KIF18A: variants seen among roughly 807,000 people sequenced by gnomAD.
KIF18A encodes the protein kinesin-like protein KIF18A.
KIF18A carries 67 observed loss-of-function variants against 103.3 expected under a neutral mutation model. The ratio of observed to expected loss-of-function variants is 0.65; its 90% CI spans 0.53 to 0.79. KIF18A has a LOEUF of 0.79. Ranked by LOEUF, KIF18A falls within the 30% of genes least tolerant of loss-of-function variation. The pLI, the probability that KIF18A is intolerant of heterozygous loss-of-function variation, is 0.00. For missense variants in KIF18A, 1,032 were observed against 1,062.5 expected, an observed-to-expected ratio of 0.97 and a Z score of 0.40; for synonymous variants, 367 against 355.5, an observed-to-expected ratio of 1.03 and a Z score of -0.36.
At chr11:28,023,046 A>G (rs2133480352) in intron 16 of KIF18A, among the ~76,000 whole-genome samples, 1 of 152,326 alleles carries the variant, frequency 6.6e-6, no homozygotes, top group East Asian at 1.9e-4. Flanking sequence ...GACATGGTAA[A>G]TGCCTAGTGA....
intron 4 of KIF18A, 126 bp from the exon 5 acceptor site, chr11:28,090,853 T>C: frequency 1.6e-6 from 1 of 607,332 alleles, no homozygotes; most frequent in Non-Finnish European, 2.9e-6. Context: ...TTCAATCCTA[T>C]TAAATACTAA....
intron 15 of KIF18A, among the ~76,000 whole-genome samples, chr11:28,035,065 G>T (rs979020376): frequency 6.6e-6 from 1 of 151,632 alleles, no homozygotes; most frequent in Non-Finnish European, 1.5e-5. Flanking sequence ...AAAGGATAAT[G>T]AAGTAAGTAG....
intron 13 of KIF18A, among the ~76,000 whole-genome samples, chr11:28,044,337 T>C (rs1850601022): frequency 6.6e-6 from 1 of 151,984 alleles, no homozygotes; most frequent in African/African-American, 2.4e-5. Flanking sequence ...TCTTTGTAAA[T>C]GAAACATAAA....
At chr11:28,028,704 C>T (rs925126383) in intron 15 of KIF18A, among the ~76,000 whole-genome samples, 29 of 151,810 alleles carry the variant, frequency 1.9e-4, no homozygotes, top group South Asian at 6.2e-4. Context: ...GAGATAGAGA[C>T]GCAAAAAACC....
In KIF18A at chr11:28,067,636, T is replaced by G. The variant is rs970183605; in HGVS notation, c.1590+1623A>C. ...GTTGGTAAATATTTCATATTTTCCT[T>G]CACCTGTATTTTCTGTCTGGTGCCT... On this transcript the variant is annotated intron_variant, in intron 11 of 16. Coordinates refer to ENST00000263181, the MANE Select transcript of KIF18A (RefSeq NM_031217.4). Among the ~76,000 whole-genome samples, 3 of 152,186 alleles carry G rather than the reference T, an allele frequency of 2.0e-5. No homozygotes were observed. In the South Asian group the frequency reaches 6.2e-4, roughly 32 times the overall value.
chr11:28,059,176 T>C lies in KIF18A; in HGVS notation c.1713-15A>G. On this transcript the variant is annotated splice_polypyrimidine_tract_variant and intron_variant, in intron 12 of 16. Coordinates refer to ENST00000263181, the MANE Select transcript of KIF18A (RefSeq NM_031217.4). ...CATTCAATACTCTATATACAGAAGA[T>C]GAGAAGAAAGGAGAGATAAATATGA... 6.5e-7 allele frequency: 1 copy of C among 1,547,686 alleles called. No homozygotes were observed. The highest frequency in any genetic ancestry group is 1.1e-5 in the South Asian group (1 of 88,552).
intron 13 of KIF18A, among the ~76,000 whole-genome samples, chr11:28,058,477 T>G (rs1273035071): frequency 2.1e-5 from 3 of 140,782 alleles, no homozygotes; most frequent in Non-Finnish European, 4.6e-5. Flanking sequence ...CAGTGATACT[T>G]TGTTTCTACA....
At chr11:28,029,273 A>T (rs932622379) in intron 15 of KIF18A, among the ~76,000 whole-genome samples, 5 of 152,198 alleles carry the variant, frequency 3.3e-5, no homozygotes, top group African/African-American at 1.2e-4. Context: ...TGATGCAAAA[A>T]TCCTCAATAA....
At chr11:28,092,982 C>A in intron 3 of KIF18A, among the ~76,000 whole-genome samples, 1 of 152,180 alleles carries the variant, frequency 6.6e-6, no homozygotes, top group East Asian at 1.9e-4. Context: ...TTAAAAAACA[C>A]AGATGCCTCA....
Position 28,077,034 on chromosome 11 carries a change from C to A in KIF18A, c.1398G>T (p.Met466Ile), listed in dbSNP as rs1429472861. The A allele has an allele frequency of 1.3e-6, 2 of 1,537,446 alleles. No homozygotes were observed. Among genetic ancestry groups the A allele is most frequent in the African/African-American group, 1.4e-5 (1 of 70,292 alleles). ...TTTCTACTTTGTCTTCAGAACACAT[C>A]ATTTCTATTTGTTTATGGCACTGTT... is the stretch of plus-strand genomic sequence containing the variant. ...YQQQCHKQIE[M>I]MCSEDKVEKA... The change falls in exon 10 of 17, where the codon ATG becomes ATT. Residue 466 changes from methionine to isoleucine, a missense_variant. Transcript: ENST00000263181.
At chr11:28,040,156 C>T (rs908295009) in intron 13 of KIF18A, among the ~76,000 whole-genome samples, 1 of 151,586 alleles carries the variant, frequency 6.6e-6, no homozygotes, top group African/African-American at 2.4e-5. Context: ...TATATAAATA[C>T]AATTACATAA....
intron 10 of KIF18A, 50 bp from the exon 11 acceptor site, chr11:28,069,473 G>A (rs1850982177): frequency 6.5e-7 from 1 of 1,530,654 alleles, no homozygotes. Flanking sequence ...GATATTTGAT[G>A]TACATGATAT....
At chr11:28,087,927 T>C (rs1438311085) in intron 6 of KIF18A, among the ~76,000 whole-genome samples, 2 of 152,194 alleles carry the variant, frequency 1.3e-5, no homozygotes, top group Admixed American at 1.3e-4. Flanking sequence ...TGAAAGGATG[T>C]CATTTTTACA....
rs191107982 is a variant in KIF18A, at chr11:28,026,142, A to G, written c.2505-2292T>C. Among the ~76,000 whole-genome samples, 4 of 151,970 alleles carry G rather than the reference A, an allele frequency of 2.6e-5. No homozygotes were observed. In the East Asian group the frequency reaches 7.7e-4, roughly 29 times the overall value. On this transcript the variant is annotated intron_variant, in intron 15 of 16. Coordinates refer to ENST00000263181, the MANE Select transcript of KIF18A (RefSeq NM_031217.4). ...TCAATTTAGTAAAATAGTGTGCTAG[A>G]GAAATATTAAATAAATTGTTAAGAT...
At chr11:28,065,191 A>G (rs1284904301) in intron 11 of KIF18A, among the ~76,000 whole-genome samples, 2 of 152,058 alleles carry the variant, frequency 1.3e-5, no homozygotes, top group Admixed American at 1.3e-4. Context: ...ACCAATTTGA[A>G]AGTCAGAAGT....
intron 13 of KIF18A, among the ~76,000 whole-genome samples, chr11:28,053,772 G>C (rs1367410368): frequency 6.6e-6 from 1 of 151,972 alleles, no homozygotes; most frequent in African/African-American, 2.4e-5. Flanking sequence ...GAAAGCAGAT[G>C]GGTTTTCAAG....
chr11:28,065,204 T>C (rs902722171), intron 11 of KIF18A, among the ~76,000 whole-genome samples: 2 of 152,064 alleles, frequency 1.3e-5, no homozygotes, highest in African/African-American at 4.8e-5. Context: ...TCAGAAGTTC[T>C]GGGTATCTGT....
Position 28,035,909 on chromosome 11 carries a change from A to C in KIF18A, c.2396+308T>G, listed in dbSNP as rs190012171. ...TCCTTCAGTGAAAATATTAATGAAT[A>C]ATAAACATGATAATCCTCCAACAAT... is the stretch of plus-strand genomic sequence containing the variant. On this transcript the variant is annotated intron_variant, in intron 14 of 16. Transcript: ENST00000263181. Among the ~76,000 whole-genome samples the C allele has an allele frequency of 6.6e-3, 1,002 of 151,602 alleles. 3 individuals carry two copies. Among genetic ancestry groups the C allele is most frequent in the Non-Finnish European group, 0.011 (741 of 67,638 alleles).
At chr11:28,077,239 G>C in intron 9 of KIF18A, 70 bp from the exon 10 acceptor site, 1 of 1,079,588 alleles carries the variant, frequency 9.3e-7, no homozygotes, top group Non-Finnish European at 1.3e-6. Context: ...TTACTTAAGA[G>C]AAATGCATAA....
Sources: gnomAD v4.1 joint callset for allele counts (sites outside exome capture counted in the v4.1 genomes callset) on GRCh38, gnomAD v4.1.1 for gene constraint, MANE v1.5 for transcripts, NCBI Gene and HGNC (gene_info 2026-07-23, HGNC 2026-07-21) for gene names.